Variants in EEPD1 observed in about 807,000 individuals in gnomAD.
EEPD1 encodes the protein endonuclease/exonuclease/phosphatase family domain containing 1.
A neutral mutation model predicts 46.3 loss-of-function variants in EEPD1; 17 were observed. The ratio of observed to expected loss-of-function variants is 0.37; its 90% CI spans 0.25 to 0.55. EEPD1 has a LOEUF of 0.55. EEPD1 is among the 20% of genes least tolerant of loss of function. EEPD1 has a pLI of 0.83. For missense variants in EEPD1, 673 were observed against 745.6 expected (o/e 0.90, Z 1.13); for synonymous variants, 313 against 315.6 (o/e 0.99, Z 0.09).
intron 2 of EEPD1, among the ~76,000 whole-genome samples, chr7:36,156,189 A>G (rs182185971): frequency 6.6e-6 from 1 of 152,104 alleles, no homozygotes; most frequent in East Asian, 1.9e-4. Context: ...GCGGGGGGGC[A>G]GCAGTTTGGT....
At chr7:36,165,740 A>G (rs1486402654) in intron 2 of EEPD1, among the ~76,000 whole-genome samples, 1 of 151,956 alleles carries the variant, frequency 6.6e-6, no homozygotes, top group Non-Finnish European at 1.5e-5. Context: ...CCCGGCCCTA[A>G]TGATCCATTT....
At chr7:36,185,187 C>T (rs760016246) in intron 2 of EEPD1, among the ~76,000 whole-genome samples, 5 of 152,232 alleles carry the variant, frequency 3.3e-5, no homozygotes, top group Non-Finnish European at 7.3e-5. Flanking sequence ...AGTTTCACCA[C>T]AGGTGTCTGT....
chr7:36,215,075 C>T (rs919065065), intron 2 of EEPD1, among the ~76,000 whole-genome samples: 4 of 152,192 alleles, frequency 2.6e-5, no homozygotes, highest in African/African-American at 9.7e-5. Flanking sequence ...GCCTCAATTG[C>T]AGGCTGGAGG....
intron 4 of EEPD1, among the ~76,000 whole-genome samples, 174 bp downstream of exon 4, chr7:36,281,399 G>A (rs920544042): frequency 3.3e-5 from 5 of 152,112 alleles, no homozygotes; most frequent in African/African-American, 4.8e-5. Flanking sequence ...TTCGGTTCAC[G>A]TTTAGATTGG....
At chr7:36,166,177 T>A (rs1397175277) in intron 2 of EEPD1, among the ~76,000 whole-genome samples, 1 of 152,258 alleles carries the variant, frequency 6.6e-6, no homozygotes, top group African/African-American at 2.4e-5. Context: ...TATTACAGTA[T>A]ACCTTTGCTG....
At chr7:36,230,197 G>A (rs375083163) in intron 2 of EEPD1, among the ~76,000 whole-genome samples, 36 of 152,066 alleles carry the variant, frequency 2.4e-4, no homozygotes, top group African/African-American at 8.4e-4. Flanking sequence ...CCATTTGCCT[G>A]CACAGGCCAC....
chr7:36,253,978 CTG>C lies in EEPD1; in HGVS notation c.930+14946_930+14947del, dbSNP rs549504508. On this transcript the variant is annotated intron_variant, in intron 3 of 7. Transcript: ENST00000242108. The stretch of plus-strand genomic sequence containing the variant: ...TGTCTGCCATTTTATCTCTTGTTTT[CTG>C]TGTCTTATGTCTTTTTTTGTTCCTC... 1.3e-3 allele frequency among the ~76,000 whole-genome samples: 195 copies of C among 152,130 alleles called. 1 individual carries two copies. The highest frequency in any genetic ancestry group is 3.9e-3 in the South Asian group (19 of 4,814).
At chr7:36,255,516 G>A (rs1486002498) in intron 3 of EEPD1, among the ~76,000 whole-genome samples, 1 of 120,508 alleles carries the variant, frequency 8.3e-6, no homozygotes, top group Non-Finnish European at 1.9e-5. Flanking sequence ...ACTTGTTATT[G>A]GGCTATTCAG....
At chr7:36,292,201 G>A (rs1434807053) in intron 6 of EEPD1, among the ~76,000 whole-genome samples, 3 of 152,080 alleles carry the variant, frequency 2.0e-5, no homozygotes, top group Non-Finnish European at 4.4e-5. Flanking sequence ...CACCAACCTG[G>A]GAGGAAATGG....
rs1021130999 is a variant in EEPD1, at chr7:36,190,224, T to C, written c.878+35022T>C. Among the ~76,000 whole-genome samples, 5 of 152,126 alleles carry C rather than the reference T, an allele frequency of 3.3e-5. No homozygotes were observed. In the East Asian group the frequency reaches 9.6e-4, roughly 29 times the overall value. On this transcript the variant is annotated intron_variant, in intron 2 of 7. Coordinates refer to ENST00000242108, the MANE Select transcript of EEPD1 (RefSeq NM_030636.3). ...CTGTCTCAACAACAAATTTTAAAGT[T>C]AGCTGGGCATGGTGGTTCATGCCTG... is the stretch of plus-strand genomic sequence containing the variant.
At chr7:36,259,671 G>A (rs762194017) in intron 3 of EEPD1, among the ~76,000 whole-genome samples, 3 of 148,296 alleles carry the variant, frequency 2.0e-5, no homozygotes, top group East Asian at 1.9e-4. Flanking sequence ...CACCATGCCC[G>A]GCTATTATAA....
chr7:36,281,522 A>G (rs1787261996), intron 4 of EEPD1, among the ~76,000 whole-genome samples: 1 of 152,208 alleles, frequency 6.6e-6, no homozygotes, highest in Admixed American at 6.5e-5. Flanking sequence ...CCTTCGCCAC[A>G]GTTCTGTCTT....
chr7:36,284,223 G>T (rs1787305859), intron 4 of EEPD1, among the ~76,000 whole-genome samples: 1 of 152,210 alleles, frequency 6.6e-6, no homozygotes, highest in Admixed American at 6.5e-5. Flanking sequence ...CACCATTTTT[G>T]TAAGCTGCAG....
intron 6 of EEPD1, among the ~76,000 whole-genome samples, chr7:36,293,515 T>G (rs962336030): frequency 2.6e-5 from 4 of 152,196 alleles, no homozygotes; most frequent in African/African-American, 9.7e-5. Flanking sequence ...AGCATTAATA[T>G]TTTTATGAAC....
chr7:36,158,083 G>A (rs138825257), intron 2 of EEPD1, among the ~76,000 whole-genome samples: 1 of 152,210 alleles, frequency 6.6e-6, no homozygotes, highest in Non-Finnish European at 1.5e-5. Flanking sequence ...GATTTTCCTA[G>A]TAAGTCTGGG....
chr7:36,189,757 A>G (rs944360751), intron 2 of EEPD1, among the ~76,000 whole-genome samples: 1 of 152,194 alleles, frequency 6.6e-6, no homozygotes, highest in African/African-American at 2.4e-5. Flanking sequence ...AGGCCTGCAA[A>G]TGGATTTGGT....
At position 36,274,101 on chromosome 7, in the gene EEPD1, G is replaced by A. The variant is rs537671731; in HGVS notation, c.931-7014G>A. ...TGCCCCCTCTGGGATGCATACCTGC[G>A]TTTGCGCTGGAGCAAAGGTAGCTAC... On this transcript the variant is annotated intron_variant, in intron 3 of 7. Transcript: ENST00000242108. 6.6e-5 allele frequency among the ~76,000 whole-genome samples: 10 copies of A among 152,366 alleles called. No homozygotes were observed. In the South Asian group the frequency reaches 1.4e-3, roughly 22 times the overall value.
chr7:36,250,674 G>A (rs547508270), intron 3 of EEPD1, among the ~76,000 whole-genome samples: 17 of 152,238 alleles, frequency 1.1e-4, no homozygotes, highest in East Asian at 5.8e-4. Context: ...GCCAGCTCTC[G>A]TTCTAGATCA....
intron 3 of EEPD1, among the ~76,000 whole-genome samples, chr7:36,269,296 T>C (rs186557490): frequency 1.3e-5 from 2 of 152,320 alleles, no homozygotes; most frequent in Admixed American, 1.3e-4. Context: ...GGACTATTTG[T>C]CTTCAGATGA....
Sources: allele counts gnomAD v4.1 joint callset (sites outside exome capture counted in the v4.1 genomes callset), GRCh38; gene constraint gnomAD v4.1.1; transcripts MANE v1.5; gene names NCBI Gene and HGNC (gene_info 2026-07-23, HGNC 2026-07-21).